ZIM2: variants seen among roughly 807,000 people sequenced by gnomAD.
ZIM2 encodes zinc finger protein 656.
A neutral mutation model predicts 38.6 loss-of-function variants in ZIM2; 14 were observed. The observed-to-expected ratio is 0.36, with a 90% CI of 0.24 to 0.57. ZIM2 has a LOEUF of 0.57. Ranked by LOEUF, ZIM2 falls within the 20% of genes least tolerant of loss-of-function variation. The probability of loss-of-function intolerance (pLI) is 0.81; values close to 1 mark genes in which losing one functional copy is unlikely to be tolerated. For synonymous variants in ZIM2, 247 were observed against 245.8 expected (o/e 1.00, Z -0.04); for missense variants, 680 against 695.1 (o/e 0.98, Z 0.24).
At chr19:56,791,653 C>T (rs970803955) in intron 9 of ZIM2, among the ~76,000 whole-genome samples, 9 of 152,190 alleles carry the variant, frequency 5.9e-5, no homozygotes, top group Non-Finnish European at 1.2e-4. Flanking sequence ...CTCGAGCCTT[C>T]CCTCTAGAGA....
intron 10 of ZIM2, among the ~76,000 whole-genome samples, chr19:56,786,972 G>A (rs1200233141): frequency 1.3e-5 from 2 of 152,134 alleles, no homozygotes; most frequent in African/African-American, 4.8e-5. Context: ...AAGTAGCTGG[G>A]ATTACAGGTG....
intron 9 of ZIM2, 59 bp downstream of exon 9, chr19:56,817,687 T>C: frequency 6.4e-7 from 1 of 1,555,566 alleles, no homozygotes. Flanking sequence ...AGTGTAGAAG[T>C]TCCTTGATAG....
At chr19:56,836,790 G>A (rs1354198902) in intron 1 of ZIM2, among the ~76,000 whole-genome samples, 6 of 152,036 alleles carry the variant, frequency 3.9e-5, no homozygotes, top group South Asian at 2.1e-4. Context: ...CCAAAATGGC[G>A]AAACCCCTGG....
At chr19:56,797,737 G>A (rs1371818964) in intron 9 of ZIM2, among the ~76,000 whole-genome samples, 1 of 152,162 alleles carries the variant, frequency 6.6e-6, no homozygotes, top group Non-Finnish European at 1.5e-5. Flanking sequence ...GAGGCTGTGA[G>A]TTTAAGGGAC....
intron 3 of ZIM2, among the ~76,000 whole-genome samples, chr19:56,825,180 A>G (rs1307590946): frequency 6.6e-6 from 1 of 152,270 alleles, no homozygotes; most frequent in Non-Finnish European, 1.5e-5. Flanking sequence ...ATTAGCAAAA[A>G]TGAAAAGGGG....
intron 9 of ZIM2, among the ~76,000 whole-genome samples, chr19:56,808,563 G>A (rs183244309): frequency 1.7e-4 from 26 of 152,092 alleles, no homozygotes; most frequent in Admixed American, 3.9e-4. Flanking sequence ...GGGGAGATAT[G>A]GTACCAGTCC....
intron 9 of ZIM2, among the ~76,000 whole-genome samples, chr19:56,803,575 C>T (rs2047624271): frequency 6.6e-6 from 1 of 152,186 alleles, no homozygotes; most frequent in Non-Finnish European, 1.5e-5. Flanking sequence ...ATCTTACACC[C>T]ACATGGGGCT....
intron 10 of ZIM2, among the ~76,000 whole-genome samples, chr19:56,786,400 G>T (rs142921141): frequency 1.6e-3 from 241 of 152,148 alleles, no homozygotes; most frequent in African/African-American, 5.6e-3. Flanking sequence ...CCTGACACCG[G>T]TAGACGTTGG....
intron 9 of ZIM2, chr19:56,798,320 T>C (rs1179051023): frequency 6.6e-6 from 1 of 151,240 alleles, no homozygotes; most frequent in Non-Finnish European, 1.5e-5. Flanking sequence ...TTTGGATCTT[T>C]GTGTGTGTGT....
chr19:56,814,014 C>T lies in ZIM2; in HGVS notation c.490+3732G>A, dbSNP rs754695066. 1 of 1,613,298 alleles carries T rather than the reference C, an allele frequency of 6.2e-7. No individual in the cohort carries two copies. ...CACCGTCAGGCTCGTCGGCATCTCCCTCTGGCTCTTCAGCTTTTCCCTCTG... is the reference window on the plus strand; with the variant it reads ...CACCGTCAGGCTCGTCGGCATCTCCTTCTGGCTCTTCAGCTTTTCCCTCTG... On this transcript the variant is annotated intron_variant, in intron 9 of 12. Transcript: ENST00000629319. The surrounding 1 kb of genome is among the most constrained non-coding windows in gnomAD (Gnocchi z 5.8).
chr19:56,838,400 G>A (rs1000626973), intron 1 of ZIM2, among the ~76,000 whole-genome samples: 1 of 152,176 alleles, frequency 6.6e-6, no homozygotes, highest in Non-Finnish European at 1.5e-5. Context: ...GAGGCGGTGA[G>A]GGGCAGTGGA....
chr19:56,836,969 CAAAAAAAAA>C (rs573566620), intron 1 of ZIM2, among the ~76,000 whole-genome samples: 14 of 116,988 alleles, frequency 1.2e-4, no homozygotes, highest in African/African-American at 4.0e-4. Flanking sequence ...GACTCTGTCT[CAAAAAAAAA>C]AAAAAAAAAA....
chr19:56,811,598 AC>A, intron 9 of ZIM2: 1 of 985,336 alleles, frequency 1.0e-6, no homozygotes, highest in Non-Finnish European at 1.2e-6. Flanking sequence ...AAAAGGGGCT[AC>A]CACTGCCAAC....
In ZIM2 at chr19:56,775,100, T is replaced by C. The variant is rs1178579082; in HGVS notation, c.1265A>G (p.Lys422Arg). The C allele has an allele frequency of 1.9e-6, 3 of 1,614,146 alleles. No homozygotes were observed. Among genetic ancestry groups the C allele is most frequent in the South Asian group, 2.2e-5 (2 of 91,068 alleles). Residue 422 changes from lysine (K) to arginine (R), a missense_variant, in exon 13 of 13, where the codon AAG becomes AGG. Transcript: ENST00000629319. The stretch of plus-strand genomic sequence containing the variant: ...GAGATTCGCACACTGGACGGAAGGC[T>C]TTCTACCTTCATTGCAGCCAGAAGT... ...RKTSGCNEGR[K>R]PSVQCANLCE...
chr19:56,774,931 G>C lies in ZIM2; in HGVS notation c.1434C>G (p.Ser478Arg), dbSNP rs1342864355. ...GCTGATAACGAATTAAGTATGTCTT[G>C]CTGTGGGACAACCCAGGAGGAAGGA... is the stretch of plus-strand genomic sequence containing the variant. The part of the protein sequence containing the change: ...ARVLPPGLSH[S>R]KTYLIRYQRK... The change falls in exon 13 of 13, where the codon AGC becomes AGG. Residue 478 changes from serine (S) to arginine (R), a missense_variant. Physicochemically the swap from Ser to Arg is moderately radical, Grantham distance 110 (BLOSUM62 -1). Coordinates refer to ENST00000629319, the MANE Select transcript of ZIM2 (RefSeq NM_001387356.1). The C allele has an allele frequency of 5.0e-6, 8 of 1,614,182 alleles. No homozygotes were observed. Among genetic ancestry groups the C allele is most frequent in the Non-Finnish European group, 6.8e-6 (8 of 1,180,040 alleles).
At chr19:56,813,888 T>C (rs2059721209) in intron 9 of ZIM2, 1 of 1,614,114 alleles carries the variant, frequency 6.2e-7, no homozygotes, top group Non-Finnish European at 8.5e-7. Context: ...CACTGAATGC[T>C]GTGCTGGAAG....
chr19:56,809,323 A>C (rs1476764299), intron 9 of ZIM2, among the ~76,000 whole-genome samples: 1 of 152,182 alleles, frequency 6.6e-6, no homozygotes, highest in Non-Finnish European at 1.5e-5. Flanking sequence ...TGGCAAGTAC[A>C]CTTTTATATC....
intron 7 of ZIM2, 77 bp downstream of exon 7, chr19:56,821,574 A>C: frequency 1.9e-6 from 3 of 1,562,560 alleles, no homozygotes; most frequent in Non-Finnish European, 2.6e-6. Context: ...AGATAAACAC[A>C]CCATCTGGGG....
chr19:56,786,217 G>T (rs560428386), intron 10 of ZIM2, among the ~76,000 whole-genome samples: 54 of 152,284 alleles, frequency 3.5e-4, no homozygotes, highest in South Asian at 6.2e-4. Flanking sequence ...CACATAAGAA[G>T]AATAGTATGT....
Sources: gnomAD v4.1 joint callset for allele counts (sites outside exome capture counted in the v4.1 genomes callset) on GRCh38, gnomAD v4.1.1 for gene constraint, Gnocchi (gnomAD v3.1) non-coding constraint, MANE v1.5 for transcripts, NCBI Gene and HGNC (gene_info 2026-07-23, HGNC 2026-07-21) for gene names.